The following NCDN variants were observed in gnomAD, a reference collection of about 807,000 sequenced individuals.
NCDN encodes the protein norbin.
A neutral mutation model predicts 60.7 loss-of-function variants in NCDN; 9 were observed. The observed-to-expected ratio is 0.15, with a 90% CI of 0.09 to 0.26. NCDN has a LOEUF of 0.26. Among genes scored for constraint, NCDN ranks in the 10% least tolerant of loss-of-function variants. The pLI is 1.00. For missense variants in NCDN, 578 were observed against 975.2 expected, an observed-to-expected ratio of 0.59 and a Z score of 5.42; for synonymous variants, 409 against 442.5, an observed-to-expected ratio of 0.92 and a Z score of 0.95.
chr1:35,558,027 C>G lies in NCDN; in HGVS notation c.-164C>G, dbSNP rs1332362809. 18 of 1,066,240 alleles carry G rather than the reference C, an allele frequency of 1.7e-5. No homozygotes were observed. Among genetic ancestry groups the G allele is most frequent in the Non-Finnish European group, 2.4e-5 (18 of 741,266 alleles). The allele number at this position is 1,066,240 out of a possible 1,614,324, so 66.0% of individuals were successfully genotyped here. On this transcript the variant is annotated 5_prime_UTR_variant, in exon 1 of 7. Transcript: ENST00000373243. The surrounding 1 kb of genome is among the most constrained non-coding windows in gnomAD (Gnocchi z 6.3). ...GACACCATCGTGCCCTGTCGAGACT[C>G]CATTTTGTCACAGCCCTTTTCAATA...
At chr1:35,564,672 C>G (rs2148540176) in intron 6 of NCDN, among the ~76,000 whole-genome samples, 1 of 152,322 alleles carries the variant, frequency 6.6e-6, no homozygotes, top group South Asian at 2.1e-4. Flanking sequence ...TCTGCAGCCC[C>G]CAATTTCATG....
At position 35,563,277 on chromosome 1, in the gene NCDN, C is replaced by G. The variant is rs776779437; in HGVS notation, c.1461C>G (p.Pro487=). The G allele has an allele frequency of 1.9e-6, 3 of 1,614,248 alleles. No individual in the cohort carries two copies. The East Asian group carries it at 6.7e-5, about 36-fold the overall frequency. The change falls in exon 5 of 7, where the codon CCC becomes CCG. Residue 487 remains proline (P), a synonymous_variant. Transcript: ENST00000373243. This position sits in a 1 kb window ranked among gnomAD's most constrained non-coding sequence, Gnocchi z 6.6. ...PREILIKEGA[P]SLLCKYFLQQ... ...AGATCCTGATCAAGGAAGGGGCCCC[C>G]TCGCTTCTGTGCAAGTATTTCCTGC...
rs1648609945 is a variant in NCDN, at chr1:35,559,338, G to T, written c.174+91G>T. ...TCAGTGAGTCCCCAAGGATATGTAC[G>T]TAGTGCTAGCAACCCTGGAGGCACC... On this transcript the variant is annotated intron_variant, in intron 2 of 6. Transcript: ENST00000373243. 1.7e-5 allele frequency: 26 copies of T among 1,543,430 alleles called. No homozygotes were observed. In the South Asian group the frequency reaches 2.9e-4, roughly 17 times the overall value.
In NCDN at chr1:35,558,305, T is replaced by G; in HGVS notation, c.33+82T>G. 1 of 1,600,326 alleles carries G rather than the reference T, an allele frequency of 6.2e-7. No homozygotes were observed. Among genetic ancestry groups the G allele is most frequent in the Non-Finnish European group, 8.5e-7 (1 of 1,171,010 alleles). ...CTTCGATTATCCGGCTTTTGGATTC[T>G]CCGTTGTCCTGGGAACTATCCGGGA... On this transcript the variant is annotated intron_variant, in intron 1 of 6. Coordinates refer to ENST00000373243, the MANE Select transcript of NCDN (RefSeq NM_014284.3). The surrounding 1 kb of genome is among the most constrained non-coding windows in gnomAD (Gnocchi z 6.3).
At position 35,560,209 on chromosome 1, in the gene NCDN, A is replaced by G. The variant is rs1414261032; in HGVS notation, c.175-117A>G. 10 of 1,338,932 alleles carry G rather than the reference A, an allele frequency of 7.5e-6. No individual in the cohort carries two copies. The Admixed American group carries it at 8.7e-5, about 12-fold the overall frequency. 82.9% of individuals were successfully genotyped at this position (1,338,932 alleles called of 1,614,324 possible). ...AAAAGGAGCTGGATGAAATGACCTC[A>G]GATGAGTCCTGTTGCATAACCTCAT... is the stretch of plus-strand genomic sequence containing the variant. On this transcript the variant is annotated intron_variant, in intron 2 of 6. Transcript: ENST00000373243. The surrounding 1 kb of genome is among the most constrained non-coding windows in gnomAD (Gnocchi z 7.6).
In NCDN at chr1:35,559,235, A is replaced by C. The variant is rs756274048; in HGVS notation, c.162A>C (p.Ala54=). The C allele has an allele frequency of 1.9e-5, 31 of 1,614,076 alleles. No homozygotes were observed. The highest frequency in any genetic ancestry group is 2.6e-5 in the Non-Finnish European group (31 of 1,180,030). ...CCAAGAATGACAGCGAGCAGTTTGCAGCCCTGCTGCTAGTAAGGAACTGGC... is the reference window on the plus strand; with the variant it reads ...CCAAGAATGACAGCGAGCAGTTTGCCGCCCTGCTGCTAGTAAGGAACTGGC... ...REAKNDSEQF[A]ALLLVTKAVK... Residue 54 remains alanine, a synonymous_variant, in exon 2 of 7, where the codon GCA becomes GCC. Coordinates refer to ENST00000373243, the MANE Select transcript of NCDN (RefSeq NM_014284.3).
rs763384687 is a variant in NCDN, at chr1:35,559,061, C to T, written c.34-46C>T. 3.4e-6 allele frequency: 5 copies of T among 1,474,676 alleles called. No individual in the cohort carries two copies. The African/African-American group carries it at 4.2e-5, about 12-fold the overall frequency. 91.3% of individuals were successfully genotyped at this position (1,474,676 alleles called of 1,614,324 possible). On this transcript the variant is annotated intron_variant, in intron 1 of 6. Transcript: ENST00000373243. ...TCCACTCTCACCCCCACCCCACCCC[C>T]GTCCCTCCTCTGCAGAGGGATGCTC...
rs780279413 is a variant in NCDN at position 35,565,360 on chromosome 1, C to T, written c.1887C>T (p.Ile629=). The T allele has an allele frequency of 2.5e-6, 4 of 1,613,546 alleles. No individual in the cohort carries two copies. The African/African-American group carries it at 4.0e-5, about 16-fold the overall frequency. ...CCCTGTCCCCTGAGTATGAGGGCAT[C>T]TGGGCCGACCTGCAGGAGCTCTGGT... The part of the protein sequence containing the change: ...VLALSPEYEG[I]WADLQELWFL... The change falls in exon 7 of 7, where the codon ATC becomes ATT. Residue 629 remains isoleucine (I), a synonymous_variant. Coordinates refer to ENST00000373243, the MANE Select transcript of NCDN (RefSeq NM_014284.3). This position sits in a 1 kb window ranked among gnomAD's most constrained non-coding sequence, Gnocchi z 8.9.
rs1212572142 is a variant in NCDN at position 35,565,044 on chromosome 1, G to T, written c.1754-183G>T. On this transcript the variant is annotated intron_variant, in intron 6 of 6. Transcript: ENST00000373243. This position sits in a 1 kb window ranked among gnomAD's most constrained non-coding sequence, Gnocchi z 8.9. ...GGCCCATTTTACAAGTAAAGAAACA[G>T]ACCCAGAAAAGTTAATTACCCAAGG... Among the ~76,000 whole-genome samples, 1 of 152,146 alleles carries T rather than the reference G, an allele frequency of 6.6e-6. No individual in the cohort carries two copies. Among genetic ancestry groups the T allele is most frequent in the Non-Finnish European group, 1.5e-5 (1 of 68,036 alleles).
Position 35,563,577 on chromosome 1 carries a change from G to A in NCDN, c.1610+151G>A, listed in dbSNP as rs537883745. 956 of 1,054,752 alleles carry A rather than the reference G, an allele frequency of 9.1e-4. 19 individuals are homozygous for A. In the South Asian group the frequency reaches 0.014, roughly 15 times the overall value. 65.3% of individuals were successfully genotyped at this position (1,054,752 alleles called of 1,614,324 possible). ...TCTCAGAGTAGACATAGCCAGCCCC[G>A]CACAAGGATTCGGCATGCTGGAACC... On this transcript the variant is annotated intron_variant, in intron 5 of 6. Coordinates refer to ENST00000373243, the MANE Select transcript of NCDN (RefSeq NM_014284.3). The surrounding 1 kb of genome is among the most constrained non-coding windows in gnomAD (Gnocchi z 6.6).
Position 35,561,093 on chromosome 1 carries a change from G to A in NCDN, c.942G>A (p.Ala314=), listed in dbSNP as rs141623030. The stretch of plus-strand genomic sequence containing the variant: ...TCCTGGCCCTGCTGGTGAATCTGGC[G>A]TGCGTGGAAGTGCGGCTGGCACTGG... ...SKFLALLVNL[A]CVEVRLALEE... Residue 314 remains alanine, a synonymous_variant, in exon 3 of 7, where the codon GCG becomes GCA. Transcript: ENST00000373243. This position sits in a 1 kb window ranked among gnomAD's most constrained non-coding sequence, Gnocchi z 4.9. 50 of 1,613,714 alleles carry A rather than the reference G, an allele frequency of 3.1e-5. No homozygotes were observed. The highest frequency in any genetic ancestry group is 1.3e-4 in the South Asian group (12 of 91,056).
rs577770692 is a variant in NCDN at position 35,562,007 on chromosome 1, G to T, written c.1144-385G>T. 2.0e-4 allele frequency among the ~76,000 whole-genome samples: 30 copies of T among 152,300 alleles called. No individual in the cohort carries two copies. Among genetic ancestry groups the T allele is most frequent in the Admixed American group, 6.5e-4 (10 of 15,296 alleles). On this transcript the variant is annotated intron_variant, in intron 3 of 6. Transcript: ENST00000373243. This position sits in a 1 kb window ranked among gnomAD's most constrained non-coding sequence, Gnocchi z 6.8. ...CCAGGAACCTGCCCTCCCACCCCAG[G>T]TCAGAGCTGCTGTAAAGGGTGTTTA...
At position 35,562,672 on chromosome 1, in the gene NCDN, T is replaced by G. The variant is rs1648741835; in HGVS notation, c.1385+39T>G. 6.3e-7 allele frequency: 1 copy of G among 1,583,594 alleles called. No homozygotes were observed. The highest frequency in any genetic ancestry group is 1.3e-5 in the African/African-American group (1 of 74,250). ...TACAGTCTGTCCAGCTAGATCATTC[T>G]ACCGAAAAGCGTTAACACAAGGACA... is the stretch of plus-strand genomic sequence containing the variant. On this transcript the variant is annotated intron_variant, in intron 4 of 6. Coordinates refer to ENST00000373243, the MANE Select transcript of NCDN (RefSeq NM_014284.3). This position sits in a 1 kb window ranked among gnomAD's most constrained non-coding sequence, Gnocchi z 6.8.
In NCDN at chr1:35,563,058, A is replaced by G; in HGVS notation, c.1386-144A>G. ...TTGGTCCTGGGTTGTGCGACTCTGA[A>G]GCTTGTACTTTTTCTGTGGTACCTG... On this transcript the variant is annotated intron_variant, in intron 4 of 6. Coordinates refer to ENST00000373243, the MANE Select transcript of NCDN (RefSeq NM_014284.3). The surrounding 1 kb of genome is among the most constrained non-coding windows in gnomAD (Gnocchi z 6.6). 1.2e-6 allele frequency: 1 copy of G among 825,126 alleles called. No individual in the cohort carries two copies. The highest frequency in any genetic ancestry group is 2.7e-5 in the East Asian group (1 of 37,128). The allele number at this position is 825,126 out of a possible 1,614,324, so 51.1% of individuals were successfully genotyped here.
chr1:35,565,745 G>GC lies in NCDN; in HGVS notation c.*90dup, dbSNP rs776248027. 3.5e-4 allele frequency: 480 copies of GC among 1,367,408 alleles called. No homozygotes were observed. The highest frequency in any genetic ancestry group is 7.7e-4 in the Middle Eastern group (3 of 3,884). The allele number at this position is 1,367,408 out of a possible 1,614,324, so 84.7% of individuals were successfully genotyped here. On this transcript the variant is annotated 3_prime_UTR_variant, in exon 7 of 7. Transcript: ENST00000373243. The surrounding 1 kb of genome is among the most constrained non-coding windows in gnomAD (Gnocchi z 8.9). ...CATCTTCCCTGAAGCCCCCAATCTGGCCCCCCCCTCCCCAGACTTCCTCCC... is the reference window on the plus strand; with the variant it reads ...CATCTTCCCTGAAGCCCCCAATCTGGCCCCCCCCCTCCCCAGACTTCCTCCC...
chr1:35,557,832 C>A lies in NCDN; in HGVS notation c.-359C>A. On this transcript the variant is annotated 5_prime_UTR_variant, in exon 1 of 7. Transcript: ENST00000373243. ...ACGCGGCGTGAGCAGCGGCCCGAGG[C>A]TCCCGGAGCATCGCGCTGGGAGAAG... The A allele has an allele frequency of 1.8e-6, 1 of 548,786 alleles. No individual in the cohort carries two copies. The highest frequency in any genetic ancestry group is 1.5e-5 in the South Asian group (1 of 65,288). 34.0% of individuals were successfully genotyped at this position (548,786 alleles called of 1,614,324 possible).
chr1:35,565,058 A>T lies in NCDN; in HGVS notation c.1754-169A>T. On this transcript the variant is annotated intron_variant, in intron 6 of 6. Coordinates refer to ENST00000373243, the MANE Select transcript of NCDN (RefSeq NM_014284.3). The surrounding 1 kb of genome is among the most constrained non-coding windows in gnomAD (Gnocchi z 8.9). ...GTAAAGAAACAGACCCAGAAAAGTT[A>T]ATTACCCAAGGTCACACAGTGAGCA... 1.6e-6 allele frequency: 1 copy of T among 627,874 alleles called. No homozygotes were observed. Among genetic ancestry groups the T allele is most frequent in the Non-Finnish European group, 2.7e-6 (1 of 371,104 alleles). The allele number at this position is 627,874 out of a possible 1,614,324, so 38.9% of individuals were successfully genotyped here.
In NCDN at chr1:35,560,984, G is replaced by A. The variant is rs1013869598; in HGVS notation, c.833G>A (p.Arg278His). Residue 278 changes from arginine to histidine, a missense_variant, in exon 3 of 7, where the codon CGC (arginine) becomes CAC (histidine). Transcript: ENST00000373243. The surrounding 1 kb of genome is among the most constrained non-coding windows in gnomAD (Gnocchi z 7.6). ...ILGSKLSSWQ[R>H]NPALKLAARL... ...GGAAGCAAGCTGAGCTCCTGGCAGC[G>A]CAACCCTGCACTGAAGCTGGCAGCC... The A allele has an allele frequency of 6.2e-6, 10 of 1,612,372 alleles. No homozygotes were observed. The highest frequency in any genetic ancestry group is 7.6e-6 in the Non-Finnish European group (9 of 1,179,028).
chr1:35,562,992 A>G lies in NCDN; in HGVS notation c.1386-210A>G, dbSNP rs1648753387. On this transcript the variant is annotated intron_variant, in intron 4 of 6. Transcript: ENST00000373243. This position sits in a 1 kb window ranked among gnomAD's most constrained non-coding sequence, Gnocchi z 6.8. ...GGAAACTGAGGCTCATAGAGATTAA[A>G]GTCACTTGCCCACAGTCACACTTTG... Among the ~76,000 whole-genome samples, 1 of 152,232 alleles carries G rather than the reference A, an allele frequency of 6.6e-6. No homozygotes were observed. Among genetic ancestry groups the G allele is most frequent in the African/African-American group, 2.4e-5 (1 of 41,468 alleles).
Sources: gnomAD v4.1 joint callset for allele counts (sites outside exome capture counted in the v4.1 genomes callset) on GRCh38, gnomAD v4.1.1 for gene constraint, Gnocchi (gnomAD v3.1) non-coding constraint, MANE v1.5 for transcripts, NCBI Gene and HGNC (gene_info 2026-07-23, HGNC 2026-07-21) for gene names.